The following CDC27 variants were observed in gnomAD, a reference collection of about 807,000 sequenced individuals.
The protein encoded by CDC27 is cell division cycle protein 27 homolog.
Under a neutral mutation model 109.7 loss-of-function variants are expected in CDC27, and 27 were observed. The observed-to-expected ratio is 0.25, with a 90% CI of 0.18 to 0.34. The LOEUF (loss-of-function observed/expected upper bound fraction) is 0.34, where lower values mean the gene tolerates loss of function less well. Among genes scored for constraint, CDC27 ranks in the 10% least tolerant of loss-of-function variants. CDC27 has a pLI of 1.00. For synonymous variants in CDC27, 266 were observed against 333.9 expected (o/e 0.80, Z 2.22); for missense variants, 579 against 960.2 (o/e 0.60, Z 5.25).
chr17:47,165,098 T>C (rs1447295870), intron 4 of CDC27, among the ~76,000 whole-genome samples: 1 of 152,198 alleles, frequency 6.6e-6, no homozygotes, highest in Admixed American at 6.5e-5. Context: ...GAAATTGGCT[T>C]TTTTCACTTG....
chr17:47,169,574 G>A (rs1019841940), intron 4 of CDC27, among the ~76,000 whole-genome samples: 2 of 151,550 alleles, frequency 1.3e-5, no homozygotes, highest in Non-Finnish European at 2.9e-5. Flanking sequence ...GAACCCTGGA[G>A]GTGGAGGTTG....
chr17:47,129,506 T>G lies in CDC27; in HGVS notation c.2047A>C (p.Lys683Gln). The change falls in exon 16 of 19, where the codon AAA becomes CAA. Residue 683 changes from lysine (K) to glutamine (Q), a missense_variant. Transcript: ENST00000066544. ...GTATCCAAAGCCTTCTCTGATTTTT[T>G]CAGTGCATGTTGAACCTGTAAGAAA... ...CHIGVVQHAL[K>Q]KSEKALDTLN... The G allele has an allele frequency of 6.2e-7, 1 of 1,605,698 alleles. No individual in the cohort carries two copies. Among genetic ancestry groups the G allele is most frequent in the Non-Finnish European group, 8.5e-7 (1 of 1,174,828 alleles).
Position 47,175,635 on chromosome 17 carries a change from G to A in CDC27, c.104-3571C>T, listed in dbSNP as rs2063977362. Among the ~76,000 whole-genome samples, 3 of 152,154 alleles carry A rather than the reference G, an allele frequency of 2.0e-5. No homozygotes were observed. In the South Asian group the frequency reaches 6.2e-4, roughly 32 times the overall value. On this transcript the variant is annotated intron_variant, in intron 2 of 18. Transcript: ENST00000066544. ...GCTGGAGACCAGCCTGGCCAACATG[G>A]CGAAACCCCATCTCTACTAAAAATA...
At chr17:47,148,034 C>T (rs1282636931) in intron 9 of CDC27, among the ~76,000 whole-genome samples, 1 of 150,514 alleles carries the variant, frequency 6.6e-6, no homozygotes, top group Non-Finnish European at 1.5e-5. Flanking sequence ...CCCATCTCTA[C>T]TAAAAATACA....
chr17:47,124,034 A>T, intron 16 of CDC27, 74 bp from the exon 17 acceptor site: 1 of 892,560 alleles, frequency 1.1e-6, no homozygotes. Flanking sequence ...TACTTATTTG[A>T]TTTCCCAAAT....
chr17:47,180,372 G>A (rs902746788), intron 2 of CDC27, among the ~76,000 whole-genome samples: 12 of 151,830 alleles, frequency 7.9e-5, no homozygotes, highest in Non-Finnish European at 1.3e-4. Context: ...ATTCTCCACC[G>A]AGGAGACAGC....
At chr17:47,145,585 G>A (rs2062931985) in intron 9 of CDC27, among the ~76,000 whole-genome samples, 1 of 152,086 alleles carries the variant, frequency 6.6e-6, no homozygotes. Flanking sequence ...ATACTTTCTG[G>A]ATGGGTGCTG....
chr17:47,159,468 G>A (rs954734406), intron 4 of CDC27: 7 of 604,276 alleles, frequency 1.2e-5, no homozygotes, highest in Admixed American at 3.1e-5. Context: ...GACGATGCCC[G>A]TGCTCCTGGG....
chr17:47,124,091 T>C, intron 16 of CDC27, 131 bp from the exon 17 acceptor site: 3 of 595,854 alleles, frequency 5.0e-6, no homozygotes, highest in Non-Finnish European at 8.7e-6. Context: ...ACTTCCTTAT[T>C]GTATTAGTTC....
chr17:47,169,536 T>C (rs1011353498), intron 4 of CDC27, among the ~76,000 whole-genome samples: 1 of 151,372 alleles, frequency 6.6e-6, no homozygotes, highest in Admixed American at 6.6e-5. Context: ...TCCCAGCTAC[T>C]TGGGAGGCTG....
At chr17:47,155,875 C>A (rs1187628610) in intron 7 of CDC27, among the ~76,000 whole-genome samples, 2 of 152,068 alleles carry the variant, frequency 1.3e-5, no homozygotes, top group African/African-American at 4.8e-5. Flanking sequence ...ATCGCTTGAG[C>A]CCAAGAATTT....
intron 1 of CDC27, among the ~76,000 whole-genome samples, chr17:47,182,039 A>G (rs112607142): frequency 1.8e-4 from 28 of 152,324 alleles, no homozygotes; most frequent in African/African-American, 6.5e-4. Context: ...TAGAGCACTC[A>G]TAACATGGTT....
At chr17:47,149,040 T>C (rs1180905634) in intron 9 of CDC27, among the ~76,000 whole-genome samples, 2 of 139,318 alleles carry the variant, frequency 1.4e-5, no homozygotes, top group African/African-American at 5.4e-5. Flanking sequence ...GATTGTGCCA[T>C]TGCACTCCAG....
intron 7 of CDC27, 27 bp downstream of exon 7, chr17:47,156,886 C>T (rs200148088): frequency 3.1e-5 from 24 of 777,608 alleles, no homozygotes; most frequent in Non-Finnish European, 4.8e-5. Context: ...TATTATAGCA[C>T]ATTTGAAAGT....
At chr17:47,123,474 G>A (rs988832646) in intron 17 of CDC27, among the ~76,000 whole-genome samples, 4 of 146,320 alleles carry the variant, frequency 2.7e-5, no homozygotes, top group Non-Finnish European at 1.5e-5. Context: ...GCAGTGGGGT[G>A]ATCTTGGCTC....
intron 14 of CDC27, among the ~76,000 whole-genome samples, chr17:47,133,000 T>TAC (rs1568373615): frequency 5.5e-3 from 190 of 34,540 alleles, no homozygotes; most frequent in Middle Eastern, 0.021. Flanking sequence ...TATATATATA[T>TAC]ATATATATAT....
chr17:47,171,536 A>G (rs925127884), intron 3 of CDC27, among the ~76,000 whole-genome samples: 2 of 152,264 alleles, frequency 1.3e-5, no homozygotes, highest in Non-Finnish European at 2.9e-5. Context: ...ACTCAATAAA[A>G]TGATCTTGAA....
Position 47,157,294 on chromosome 17 carries a change from G to A in CDC27, c.566C>T (p.Pro189Leu). The change falls in exon 6 of 19, where the codon CCT becomes CTT. Residue 189 changes from proline to leucine, a missense_variant. This residue lies in a region of CDC27 where 57 missense variants were observed against 59.0 expected (regional missense o/e 0.97). Transcript: ENST00000066544. The part of the protein sequence containing the change: ...CLPNSCTTQV[P>L]NHSLSHRQPE... ...CTGTCTGTGAGATAAACTATGATTA[G>A]GTACTTGTGTTGTGCAAGAGTTGGG... 1.2e-6 allele frequency: 2 copies of A among 1,612,956 alleles called. No individual in the cohort carries two copies. The highest frequency in any genetic ancestry group is 1.7e-6 in the Non-Finnish European group (2 of 1,179,300).
intron 2 of CDC27, chr17:47,181,254 CAAAAA>C (rs34104273): frequency 3.2e-4 from 10 of 31,228 alleles, no homozygotes; most frequent in East Asian, 1.2e-3. Flanking sequence ...GACCCTGTTT[CAAAAA>C]AAAAAAAAAA....
Sources: gnomAD v4.1 joint callset for allele counts (sites outside exome capture counted in the v4.1 genomes callset) on GRCh38, gnomAD v4.1.1 for gene constraint, gnomAD v4.1.1 regional missense constraint, MANE v1.5 for transcripts, NCBI Gene and HGNC (gene_info 2026-07-23, HGNC 2026-07-21) for gene names.